The following NCOR2 variants were observed in gnomAD, a reference collection of about 807,000 sequenced individuals.
NCOR2 encodes the protein CTG repeat protein 26.
In NCOR2, 81 loss-of-function variants were observed where a neutral mutation model predicts 262.9. The observed-to-expected ratio is 0.31, with a 90% CI of 0.26 to 0.37. The LOEUF is 0.37. NCOR2 is among the 10% of genes least tolerant of loss of function. The pLI, the probability that NCOR2 is intolerant of heterozygous loss-of-function variation, is 1.00. For missense variants in NCOR2, 3,385 were observed against 3,621.4 expected (o/e 0.93, Z 1.68); for synonymous variants, 1,659 against 1,559.3 (o/e 1.06, Z -1.51).
chr12:124,469,702 C>T (rs1265113390), intron 4 of NCOR2, among the ~76,000 whole-genome samples: 1 of 152,174 alleles, frequency 6.6e-6, no homozygotes, highest in African/African-American at 2.4e-5. Flanking sequence ...GGGTATATGC[C>T]TACCTCATAA....
rs373512154 is a variant in NCOR2, at chr12:124,364,924, G to C, written c.2808-1125C>G. Among the ~76,000 whole-genome samples, 879 of 150,412 alleles carry C rather than the reference G, an allele frequency of 5.8e-3. 7 individuals are homozygous for C. The highest frequency in any genetic ancestry group is 0.021 in the African/African-American group (841 of 40,928). On this transcript the variant is annotated intron_variant, in intron 20 of 46. Transcript: ENST00000405201. Reference sequence around the variant, plus strand: ...ATGGAGGCAGCCCGGCCTGAGTTTGGGGGTATTTGGAGGCAGCCTGGACCG... The same window carrying C: ...ATGGAGGCAGCCCGGCCTGAGTTTGCGGGTATTTGGAGGCAGCCTGGACCG...
chr12:124,400,706 C>G lies in NCOR2; in HGVS notation c.1641-33G>C, dbSNP rs777039744. On this transcript the variant is annotated intron_variant, in intron 14 of 46. Transcript: ENST00000405201. ...CCAGAGAGGGGAGATAGGATGGCTT[C>G]ACCCGAGCCGGGAAATCAAACAGCC... The G allele has an allele frequency of 2.5e-6, 4 of 1,603,440 alleles. No homozygotes were observed. In the South Asian group the frequency reaches 4.4e-5, roughly 18 times the overall value.
intron 43 of NCOR2, chr12:124,332,061 T>TA (rs1358247306): frequency 6.2e-6 from 3 of 483,940 alleles, no homozygotes; most frequent in Non-Finnish European, 1.1e-5. Context: ...TTCATGCAGG[T>TA]ATTCACTGGG....
intron 8 of NCOR2, among the ~76,000 whole-genome samples, chr12:124,436,427 C>G (rs949288123): frequency 2.0e-5 from 3 of 152,202 alleles, no homozygotes; most frequent in African/African-American, 7.2e-5. Context: ...CAGCCCTTGC[C>G]GCGTCTCTTA....
intron 21 of NCOR2, 151 bp downstream of exon 23, chr12:124,363,528 C>T (rs971301175): frequency 1.2e-6 from 1 of 832,484 alleles, no homozygotes; most frequent in Non-Finnish European, 1.7e-6. Flanking sequence ...CCAGCTGTTC[C>T]CACCTCAGCT....
chr12:124,455,675 G>A (rs2045808830), intron 6 of NCOR2, among the ~76,000 whole-genome samples: 1 of 152,230 alleles, frequency 6.6e-6, no homozygotes, highest in African/African-American at 2.4e-5. Flanking sequence ...GCTTCGTAGG[G>A]ACCAGGAGCT....
intron 6 of NCOR2, among the ~76,000 whole-genome samples, chr12:124,450,689 C>A (rs1397616903): frequency 6.6e-6 from 1 of 152,170 alleles, no homozygotes; most frequent in East Asian, 1.9e-4. Flanking sequence ...GCAGAAAGCA[C>A]GGCAGCATCT....
chr12:124,347,520 C>T (rs960896197), intron 30 of NCOR2: 6 of 378,684 alleles, frequency 1.6e-5, no homozygotes, highest in African/African-American at 1.2e-4. Flanking sequence ...TGTGCCTCAC[C>T]AGGATGTTCT....
At chr12:124,458,392 G>C (rs1176426799) in intron 5 of NCOR2, among the ~76,000 whole-genome samples, 2 of 152,144 alleles carry the variant, frequency 1.3e-5, no homozygotes, top group Non-Finnish European at 2.9e-5. Context: ...TATGTAGGTG[G>C]GCTCAAGCTG....
intron 8 of NCOR2, among the ~76,000 whole-genome samples, chr12:124,431,675 CACACAGAT>C (rs1213107281): frequency 6.6e-6 from 1 of 151,420 alleles, no homozygotes; most frequent in East Asian, 2.0e-4. Flanking sequence ...CACAGGCAGA[CACACAGAT>C]ACACACACAT....
In NCOR2 at chr12:124,389,804, G is replaced by C. The variant is rs1049182821; in HGVS notation, c.1877-3917C>G. 1.3e-5 allele frequency among the ~76,000 whole-genome samples: 2 copies of C among 152,260 alleles called. No homozygotes were observed. The highest frequency in any genetic ancestry group is 4.8e-5 in the African/African-American group (2 of 41,546). ...CCAAAGAGCCCTCTGCTGCTGGGGG[G>C]GTCTCGGGACCACAGCTGCCCCTTT... On this transcript the variant is annotated intron_variant, in intron 16 of 46. Transcript: ENST00000405201. The surrounding 1 kb of genome is among the most constrained non-coding windows in gnomAD (Gnocchi z 4.4).
Position 124,372,036 on chromosome 12 carries a change from G to A in NCOR2, c.2793C>T (p.Gly931=), listed in dbSNP as rs765331640. The change falls in exon 20 of 47, where the codon GGC becomes GGT. Residue 931 remains glycine (G), a synonymous_variant. Coordinates refer to ENST00000405201, the Ensembl canonical transcript of NCOR2. Reference sequence around the variant, plus strand: ...CGCCCACTCACCGGTTCTTGTCGCCGCCCTCGGCCTCATCCACCTCGTCTG... The same window carrying A: ...CGCCCACTCACCGGTTCTTGTCGCCACCCTCGGCCTCATCCACCTCGTCTG... 214 of 1,590,162 alleles carry A rather than the reference G, an allele frequency of 1.3e-4. No homozygotes were observed. The highest frequency in any genetic ancestry group is 8.3e-4 in the Middle Eastern group (5 of 6,016).
At chr12:124,363,721 G>T in exon 21 of NCOR2, 1 of 1,413,898 alleles carries the variant, frequency 7.1e-7, no homozygotes, top group Non-Finnish European at 9.3e-7. Flanking sequence ...GCTGCTTCAG[G>T]TCCAGTGGCT....
chr12:124,406,953 T>C (rs974083375), intron 13 of NCOR2, among the ~76,000 whole-genome samples: 1 of 152,214 alleles, frequency 6.6e-6, no homozygotes, highest in Admixed American at 6.5e-5. Flanking sequence ...TACCTGTTAT[T>C]TGAATCCTCC....
intron 1 of NCOR2, among the ~76,000 whole-genome samples, chr12:124,543,025 A>C (rs1211740707): frequency 2.2e-5 from 3 of 138,612 alleles, no homozygotes; most frequent in African/African-American, 5.2e-5. Flanking sequence ...ACTGGACTGC[A>C]ACAGCCAAGG....
intron 13 of NCOR2, among the ~76,000 whole-genome samples, chr12:124,416,093 C>T (rs1032738181): frequency 1.3e-5 from 2 of 152,116 alleles, no homozygotes; most frequent in Non-Finnish European, 2.9e-5. Context: ...AATGGCCAAG[C>T]GTCCACTGGA....
At chr12:124,339,900 C>A (rs989135111) in intron 37 of NCOR2, 106 bp downstream of exon 39, 5 of 659,404 alleles carry the variant, frequency 7.6e-6, no homozygotes. Flanking sequence ...TCTGCCCACC[C>A]ACCCACCTCC....
rs116318372 is a variant in NCOR2, at chr12:124,429,837, G to A, written c.1056-131C>T. On this transcript the variant is annotated intron_variant, in intron 9 of 46. Coordinates refer to ENST00000405201, the Ensembl canonical transcript of NCOR2. ...GTGGGCAGCGGCCAGCAGAGGGGCC[G>A]GCCCCACACCCGGGGTCCTGGGGAG... 2,152 of 856,136 alleles carry A rather than the reference G, an allele frequency of 2.5e-3. 51 individuals carry two copies. In the African/African-American group the frequency reaches 0.033, roughly 13 times the overall value. 53.0% of individuals were successfully genotyped at this position (856,136 alleles called of 1,614,324 possible). A position where few individuals can be genotyped will look rare whatever the true frequency, so the allele number is the denominator to read the frequency against.
intron 1 of NCOR2, chr12:124,529,980 A>G (rs1566029834): frequency 6.6e-6 from 1 of 152,250 alleles, no homozygotes; most frequent in African/African-American, 2.4e-5. Flanking sequence ...ACATAAGAAA[A>G]AAGAAAACAT....
Sources: gnomAD v4.1 joint callset for allele counts (sites outside exome capture counted in the v4.1 genomes callset) on GRCh38, gnomAD v4.1.1 for gene constraint, Gnocchi (gnomAD v3.1) non-coding constraint, MANE v1.5 for transcripts, NCBI Gene and HGNC (gene_info 2026-07-23, HGNC 2026-07-21) for gene names.